Variants in FRK observed in about 807,000 individuals in gnomAD.
FRK encodes the protein fyn related Src family tyrosine kinase, also known as tyrosine-protein kinase FRK.
Under a neutral mutation model 56.4 loss-of-function variants are expected in FRK, and 51 were observed. The observed-to-expected ratio is 0.90, with a 90% CI of 0.72 to 1.14. The LOEUF (loss-of-function observed/expected upper bound fraction) is 1.14, where lower values mean the gene tolerates loss of function less well. Ranked by LOEUF, FRK falls within the 50% of genes most tolerant of loss-of-function variation. The pLI is 0.00. For missense variants in FRK, 570 were observed against 601.4 expected, an observed-to-expected ratio of 0.95 and a Z score of 0.55; for synonymous variants, 245 against 217.9, an observed-to-expected ratio of 1.12 and a Z score of -1.10.
chr6:115,968,455 C>G, intron 3 of FRK, 121 bp downstream of exon 3: 1 of 1,085,886 alleles, frequency 9.2e-7, no homozygotes, highest in South Asian at 1.6e-5. Flanking sequence ...TTTGCCTATA[C>G]CCGCCTGAGG....
At chr6:116,026,478 A>G (rs1253507360) in intron 1 of FRK, among the ~76,000 whole-genome samples, 1 of 146,566 alleles carries the variant, frequency 6.8e-6, no homozygotes, top group Non-Finnish European at 1.5e-5. Flanking sequence ...ATAGAAAAAC[A>G]TAAGTTGAAC....
the FRK span, among the ~76,000 whole-genome samples, chr6:116,081,314 A>G: frequency 6.6e-6 from 1 of 152,140 alleles, no homozygotes; most frequent in African/African-American, 2.4e-5. Context: ...GCAATTTGTC[A>G]CTATTTATGA....
At position 115,944,295 on chromosome 6, in the gene FRK, A is replaced by T; in HGVS notation, c.1089T>A (p.Gly363=). The T allele has an allele frequency of 6.2e-7, 1 of 1,612,980 alleles. No individual in the cohort carries two copies. Among genetic ancestry groups the T allele is most frequent in the Non-Finnish European group, 8.5e-7 (1 of 1,179,614 alleles). Residue 363 remains glycine, a synonymous_variant, in exon 6 of 8, where the codon GGT becomes GGA. Coordinates refer to ENST00000606080, the MANE Select transcript of FRK (RefSeq NM_002031.3). Reference sequence around the variant, plus strand: ...CTGCTACTTTGTAGATATTATGTTCACCAACGAGGACATTTCTGGCAGCCA... The same window carrying T: ...CTGCTACTTTGTAGATATTATGTTCTCCAACGAGGACATTTCTGGCAGCCA... ...RDLAARNVLV[G]EHNIYKVADF... is the part of the protein sequence containing the mutation.
chr6:115,999,580 T>C (rs1774971212), intron 2 of FRK, among the ~76,000 whole-genome samples: 1 of 152,188 alleles, frequency 6.6e-6, no homozygotes, highest in Non-Finnish European at 1.5e-5. Context: ...AAGACAATAC[T>C]TCTAAGGAAA....
rs1215770847 is a variant in FRK, at chr6:115,958,814, G to GAA, written c.800-2206_800-2205dup. Among the ~76,000 whole-genome samples, 56 of 73,898 alleles carry GAA rather than the reference G, an allele frequency of 7.6e-4. 2 individuals carry two copies. The highest frequency in any genetic ancestry group is 3.0e-3 in the African/African-American group (53 of 17,684). 48.5% of individuals were successfully genotyped at this position (73,898 alleles called of 152,430 possible). A position where few individuals can be genotyped will look rare whatever the true frequency, so the allele number is the denominator to read the frequency against. On this transcript the variant is annotated intron_variant, in intron 4 of 7. Coordinates refer to ENST00000606080, the MANE Select transcript of FRK (RefSeq NM_002031.3). ...AAAGAAAGAAAAAGAAAGAAAGAAA[G>GAA]AAAGAAAAAGAAAGAAAGAAAGAAA...
intron 1 of FRK, among the ~76,000 whole-genome samples, chr6:116,029,053 C>T (rs116654032): frequency 8.0e-4 from 122 of 152,176 alleles, no homozygotes; most frequent in African/African-American, 2.9e-3. Flanking sequence ...CTCCATGTTC[C>T]TGGGCACAGT....
intron 2 of FRK, among the ~76,000 whole-genome samples, chr6:115,980,052 G>A (rs557831286): frequency 9.7e-4 from 147 of 152,108 alleles, no homozygotes; most frequent in African/African-American, 3.3e-3. Flanking sequence ...AAAATACAAT[G>A]AGCAATATCA....
chr6:115,958,815 A>G (rs893223191), intron 4 of FRK, among the ~76,000 whole-genome samples: 5 of 84,364 alleles, frequency 5.9e-5, no homozygotes, highest in Admixed American at 1.2e-4. Context: ...AGAAAGAAAG[A>G]AAGAAAAAGA....
rs1421031473 is a variant in FRK at position 115,939,860 on chromosome 6, C to T, written c.*2554G>A. On this transcript the variant is annotated 3_prime_UTR_variant, in exon 8 of 8. Coordinates refer to ENST00000606080, the MANE Select transcript of FRK (RefSeq NM_002031.3). ...CAAATAAATGGAAAAACATTCCATG[C>T]TCATGGATAGGAAGAATCAATATCG... The T allele has an allele frequency of 2.6e-5, 4 of 152,236 alleles. No individual in the cohort carries two copies. Among genetic ancestry groups the T allele is most frequent in the Non-Finnish European group, 5.9e-5 (4 of 68,050 alleles). The allele number at this position is 152,236 out of a possible 1,614,324, so 9.4% of individuals were successfully genotyped here. A position where few individuals can be genotyped will look rare whatever the true frequency, so the allele number is the denominator to read the frequency against.
At chr6:116,099,522 C>T in the FRK span, among the ~76,000 whole-genome samples, 1 of 152,206 alleles carries the variant, frequency 6.6e-6, no homozygotes, top group Non-Finnish European at 1.5e-5. Context: ...GGTTCACAGA[C>T]ATTGAAAACA....
the FRK span, among the ~76,000 whole-genome samples, chr6:116,088,052 G>A: frequency 6.6e-6 from 1 of 152,166 alleles, no homozygotes; most frequent in Non-Finnish European, 1.5e-5. Context: ...CCTCCTTCCA[G>A]TGGACAATTC....
chr6:116,052,602 C>T (rs1352631189), intron 1 of FRK, among the ~76,000 whole-genome samples: 1 of 151,980 alleles, frequency 6.6e-6, no homozygotes, highest in Non-Finnish European at 1.5e-5. Context: ...TAGGCAGGAA[C>T]ACCTCATGTA....
chr6:115,942,696 C>T (rs1473589095), intron 7 of FRK, 71 bp from the exon 8 acceptor site: 18 of 1,267,588 alleles, frequency 1.4e-5, no homozygotes, highest in Non-Finnish European at 2.0e-5. Flanking sequence ...AAACTTATAG[C>T]CATTTATACT....
intron 2 of FRK, among the ~76,000 whole-genome samples, chr6:115,983,711 A>G (rs1774290130): frequency 6.6e-6 from 1 of 151,954 alleles, no homozygotes; most frequent in South Asian, 2.1e-4. Context: ...TACGCTATCA[A>G]TTTGTCCTCT....
At chr6:116,097,627 A>G in the FRK span, among the ~76,000 whole-genome samples, 1 of 152,240 alleles carries the variant, frequency 6.6e-6, no homozygotes, top group Non-Finnish European at 1.5e-5. Flanking sequence ...GTACCACCTC[A>G]ATTAAAAGCA....
At chr6:116,033,215 C>T (rs969147100) in intron 1 of FRK, among the ~76,000 whole-genome samples, 1 of 152,124 alleles carries the variant, frequency 6.6e-6, no homozygotes, top group Admixed American at 6.6e-5. Context: ...TAAAAGGTTA[C>T]ATTTCAATTC....
rs771249183 is a variant in FRK, at chr6:116,059,976, C to A, written c.336G>T (p.Gln112His). 6.2e-7 allele frequency: 1 copy of A among 1,613,632 alleles called. No homozygotes were observed. Among genetic ancestry groups the A allele is most frequent in the South Asian group, 1.1e-5 (1 of 91,052 alleles). ...SNYVAEDRSL[Q>H]AEPWFFGAIG... ...AAGTTTGTACTACTCACGGCTCTGCCTGTAGGCTTCTGTCCTCAGCCACGT... is the reference window on the plus strand; with the variant it reads ...AAGTTTGTACTACTCACGGCTCTGCATGTAGGCTTCTGTCCTCAGCCACGT... The change falls in exon 1 of 8, where the codon CAG (glutamine) becomes CAT (histidine). Residue 112 changes from glutamine (Q) to histidine (H), a missense_variant. Transcript: ENST00000606080.
intron 5 of FRK, among the ~76,000 whole-genome samples, chr6:115,946,848 G>T (rs73560582): frequency 5.6e-4 from 86 of 152,220 alleles, no homozygotes; most frequent in African/African-American, 1.8e-3. Context: ...CTACAAGTAA[G>T]TCCATGAAGA....
chr6:116,006,221 G>T (rs1210116389), intron 1 of FRK, among the ~76,000 whole-genome samples: 1 of 152,076 alleles, frequency 6.6e-6, no homozygotes, highest in Non-Finnish European at 1.5e-5. Context: ...ATGATGCCTG[G>T]ATATAATTGG....
Sources: gnomAD v4.1 joint callset for allele counts (sites outside exome capture counted in the v4.1 genomes callset) on GRCh38, gnomAD v4.1.1 for gene constraint, MANE v1.5 for transcripts, NCBI Gene and HGNC (gene_info 2026-07-23, HGNC 2026-07-21) for gene names.